Variants in PDK4 observed in about 807,000 individuals in gnomAD.
PDK4 encodes the protein pyruvate dehydrogenase kinase, isozyme 4.
A neutral mutation model predicts 51.7 loss-of-function variants in PDK4; 43 were observed. The observed-to-expected ratio is 0.83, with a 90% CI of 0.65 to 1.07. The LOEUF (loss-of-function observed/expected upper bound fraction) is 1.07, where lower values mean the gene tolerates loss of function less well. PDK4 is among the 50% of genes least tolerant of loss of function. PDK4 has a pLI of 0.00. For missense variants in PDK4, 498 were observed against 503.5 expected (o/e 0.99, Z 0.10); for synonymous variants, 170 against 176.6 (o/e 0.96, Z 0.30).
At chr7:95,587,336 T>C (rs1459079813) in intron 9 of PDK4, 82 bp downstream of exon 9, 1 of 883,360 alleles carries the variant, frequency 1.1e-6, no homozygotes, top group Non-Finnish European at 1.9e-6. Flanking sequence ...TTGATGAACT[T>C]GTCTAAATAA....
chr7:95,587,588 A>G, intron 8 of PDK4, 60 bp from the exon 9 acceptor site: 1 of 1,274,916 alleles, frequency 7.8e-7, no homozygotes, highest in Non-Finnish European at 1.1e-6. Context: ...ATTTGTCTAA[A>G]TAAAAATGGC....
At position 95,596,317 on chromosome 7, in the gene PDK4, G is replaced by T; in HGVS notation, c.-24C>A. 1 of 1,556,908 alleles carries T rather than the reference G, an allele frequency of 6.4e-7. No individual in the cohort carries two copies. The highest frequency in any genetic ancestry group is 8.7e-7 in the Non-Finnish European group (1 of 1,152,620). On this transcript the variant is annotated 5_prime_UTR_variant, in exon 1 of 11. Transcript: ENST00000005178. ...ATCTTGACGCCCACCCGGCCTGGCG[G>T]GGACTGTGGCTGGCTTGAGGGGCGA... is the stretch of plus-strand genomic sequence containing the variant.
At position 95,593,727 on chromosome 7, in the gene PDK4, T is replaced by C; in HGVS notation, c.316A>G (p.Ser106Gly). ...GATAATGCTTTCTGGTCATCTGGGC[T>C]TTTCTCATGGAATTCCACCAAATCC... ...LMDLVEFHEK[S>G]PDDQKALSDF... The change falls in exon 3 of 11, where the codon AGC becomes GGC. Residue 106 changes from serine to glycine, a missense_variant. By Grantham distance (56) the Ser-to-Gly change is moderately conservative (BLOSUM62 0). Coordinates refer to ENST00000005178, the MANE Select transcript of PDK4 (RefSeq NM_002612.4). The C allele has an allele frequency of 1.3e-6, 2 of 1,563,474 alleles. No homozygotes were observed. Among genetic ancestry groups the C allele is most frequent in the Non-Finnish European group, 1.8e-6 (2 of 1,134,094 alleles).
Position 95,596,285 on chromosome 7 carries a change from C to T in PDK4, c.9G>A (p.Ala3=), listed in dbSNP as rs751178394. 3.2e-6 allele frequency: 5 copies of T among 1,573,400 alleles called. No individual in the cohort carries two copies. The highest frequency in any genetic ancestry group is 4.3e-6 in the Non-Finnish European group (5 of 1,160,982). The change falls in exon 1 of 11, where the codon GCG becomes GCA. Residue 3 remains alanine, a synonymous_variant. Transcript: ENST00000005178. ...CAGCGCTGCGCAGCACGAAGCGGGC[C>T]GCCTTCATCTTGACGCCCACCCGGC... MK[A]ARFVLRSAGS... is the part of the protein sequence containing the mutation.
chr7:95,594,828 T>TA (rs2116720378), intron 2 of PDK4, 195 bp downstream of exon 2: 1 of 369,644 alleles, frequency 2.7e-6, no homozygotes, highest in African/African-American at 2.1e-5. Context: ...TTTTTCAGGG[T>TA]AAAAATGTCT....
chr7:95,589,086 C>T (rs982991240), intron 7 of PDK4, among the ~76,000 whole-genome samples: 1 of 152,304 alleles, frequency 6.6e-6, no homozygotes, highest in East Asian at 1.9e-4. Context: ...GAATCTCAGG[C>T]CCCACTCTAG....
At chr7:95,590,473 T>A (rs1791538706) in intron 6 of PDK4, among the ~76,000 whole-genome samples, 1 of 152,184 alleles carries the variant, frequency 6.6e-6, no homozygotes, top group Admixed American at 6.5e-5. Flanking sequence ...AATAAAAGTA[T>A]TATTCTTCAG....
chr7:95,591,498 T>C (rs1249723968), intron 6 of PDK4, among the ~76,000 whole-genome samples: 1 of 152,216 alleles, frequency 6.6e-6, no homozygotes, highest in Non-Finnish European at 1.5e-5. Context: ...CTCTGACAAC[T>C]ACCATTCTAC....
At position 95,587,105 on chromosome 7, in the gene PDK4, A is replaced by AAG; in HGVS notation, c.999_1000insCT (p.Pro335CysfsTer15). 1 of 1,610,032 alleles carries AAG rather than the reference A, an allele frequency of 6.2e-7. No homozygotes were observed. The highest frequency in any genetic ancestry group is 8.5e-7 in the Non-Finnish European group (1 of 1,176,422). ...TTTGCATACAGACGAGAAATTGGCAAGCCGTAACCAAAACCAGCCTAGAGA... is the reference window on the plus strand; with the variant it reads ...TTTGCATACAGACGAGAAATTGGCAAAGGCCGTAACCAAAACCAGCCTAGAGA... On this transcript the variant is annotated frameshift_variant, in exon 10 of 11. Transcript: ENST00000005178. LOFTEE classifies it high-confidence loss of function.
rs758124942 is a variant in PDK4, at chr7:95,592,905, A to G, written c.384T>C (p.His128=). 5.6e-6 allele frequency: 9 copies of G among 1,607,146 alleles called. No individual in the cohort carries two copies. In the East Asian group the frequency reaches 1.1e-4, roughly 20 times the overall value. The part of the protein sequence containing the change: ...DTLIKVRNRH[H]NVVPTMAQGI... ...CTTGTGCCATTGTAGGGACTACATT[A>G]TGGTGTCTATTTCGAACTTTGATGA... Residue 128 remains histidine (H), a synonymous_variant, in exon 4 of 11, where the codon CAT becomes CAC. Transcript: ENST00000005178.
rs193220344 is a variant in PDK4, at chr7:95,589,557, T to G, written c.771+83A>C. The G allele has an allele frequency of 3.7e-5, 26 of 712,054 alleles. 2 individuals are homozygous for G. The Admixed American group carries it at 6.3e-4, about 17-fold the overall frequency. The allele number at this position is 712,054 out of a possible 1,614,324, so 44.1% of individuals were successfully genotyped here. ...GGAAAAGATATTGAGGCTTCTGTTT[T>G]GTGGCGAATAATAAAGGAGATAAAA... On this transcript the variant is annotated intron_variant, in intron 7 of 10. Coordinates refer to ENST00000005178, the MANE Select transcript of PDK4 (RefSeq NM_002612.4).
In PDK4 at chr7:95,587,504, G is replaced by A; in HGVS notation, c.895C>T (p.Pro299Ser). The change falls in exon 9 of 11, where the codon CCC becomes TCC. Residue 299 changes from proline to serine, a missense_variant. Physicochemically the swap from Pro to Ser is moderately conservative, Grantham distance 74. Transcript: ENST00000005178. The stretch of plus-strand genomic sequence containing the variant: ...AAGAGGCGGTCAATAATTCTCAGGG[G>A]AACACCACCTCCTCTGTCTGAAATC... ...IKISDRGGGV[P>S]LRIIDRLFSY... The A allele has an allele frequency of 6.2e-7, 1 of 1,603,026 alleles. No individual in the cohort carries two copies. Among genetic ancestry groups the A allele is most frequent in the Non-Finnish European group, 8.5e-7 (1 of 1,169,946 alleles).
chr7:95,591,287 A>T (rs76707324), intron 6 of PDK4, among the ~76,000 whole-genome samples: 2,587 of 152,284 alleles, frequency 0.017, 90 homozygotes, highest in African/African-American at 0.059. Context: ...AGTATAAAAC[A>T]ATAGTGCAAT....
chr7:95,596,428 C>CAGCCCA lies in PDK4; in HGVS notation c.-136_-135insTGGGCT. 1.0e-6 allele frequency: 1 copy of CAGCCCA among 974,538 alleles called. No individual in the cohort carries two copies. Among genetic ancestry groups the CAGCCCA allele is most frequent in the Non-Finnish European group, 1.4e-6 (1 of 705,896 alleles). The allele number at this position is 974,538 out of a possible 1,614,324, so 60.4% of individuals were successfully genotyped here. A position where few individuals can be genotyped will look rare whatever the true frequency, so the allele number is the denominator to read the frequency against. On this transcript the variant is annotated 5_prime_UTR_variant, in exon 1 of 11. Transcript: ENST00000005178. ...GGTGCGCTGGCTGGCTTGTGCGCCC[C>CAGCCCA]GGCCTGGGCTGGGGTTTGAGGGTGC...
chr7:95,590,865 C>T (rs961663117), intron 6 of PDK4, among the ~76,000 whole-genome samples: 4 of 152,098 alleles, frequency 2.6e-5, no homozygotes, highest in Non-Finnish European at 5.9e-5. Context: ...GAAAATAGTG[C>T]CTTTCGTTCA....
chr7:95,586,194 G>T (rs1489130397), intron 10 of PDK4, among the ~76,000 whole-genome samples: 6 of 120,810 alleles, frequency 5.0e-5, no homozygotes, highest in Admixed American at 9.1e-5. Flanking sequence ...ATGCACCAAG[G>T]TTTTTTTTTT....
At chr7:95,594,852 T>C (rs1025434711) in intron 2 of PDK4, 171 bp downstream of exon 2, 2 of 403,610 alleles carry the variant, frequency 5.0e-6, no homozygotes, top group Non-Finnish European at 8.7e-6. Flanking sequence ...TATAGTTTTA[T>C]AACTTCTCTA....
rs1240197759 is a variant in PDK4 at position 95,587,487 on chromosome 7, G to A, written c.912C>T (p.Asp304=). The A allele has an allele frequency of 1.2e-6, 2 of 1,610,906 alleles. No homozygotes were observed. Among genetic ancestry groups the A allele is most frequent in the Admixed American group, 3.3e-5 (2 of 60,014 alleles). ...RGGGVPLRII[D]RLFSYTYSTA... is the part of the protein sequence containing the mutation. ...TGGAGTATGTATAACTAAAGAGGCGGTCAATAATTCTCAGGGGAACACCAC... is the reference window on the plus strand; with the variant it reads ...TGGAGTATGTATAACTAAAGAGGCGATCAATAATTCTCAGGGGAACACCAC... Residue 304 remains aspartate, a synonymous_variant, in exon 9 of 11, where the codon GAC becomes GAT. Coordinates refer to ENST00000005178, the MANE Select transcript of PDK4 (RefSeq NM_002612.4).
chr7:95,589,836 T>A, intron 6 of PDK4, 120 bp from the exon 7 acceptor site: 2 of 627,656 alleles, frequency 3.2e-6, no homozygotes, highest in Non-Finnish European at 5.8e-6. Flanking sequence ...ACCTTCCCCA[T>A]CCCCAAATCC....
Sources: gnomAD v4.1 joint callset for allele counts (sites outside exome capture counted in the v4.1 genomes callset) on GRCh38, gnomAD v4.1.1 for gene constraint, MANE v1.5 for transcripts, NCBI Gene and HGNC (gene_info 2026-07-23, HGNC 2026-07-21) for gene names.